Variants in ROBO2 observed in about 807,000 individuals in gnomAD.
ROBO2 encodes roundabout guidance receptor 2.
In ROBO2, 53 loss-of-function variants were observed where a neutral mutation model predicts 160.8. The ratio of observed to expected loss-of-function variants is 0.33; its 90% CI spans 0.26 to 0.41. The LOEUF (loss-of-function observed/expected upper bound fraction) is 0.41. Among genes scored for constraint, ROBO2 ranks in the 10% least tolerant of loss-of-function variants. ROBO2 has a pLI of 1.00. For missense variants in ROBO2, 1,577 were observed against 1,722.4 expected (o/e 0.92, Z 1.49); for synonymous variants, 664 against 611.7 (o/e 1.09, Z -1.26).
intron 2 of ROBO2, among the ~76,000 whole-genome samples, chr3:77,008,249 G>T (rs915013686): frequency 6.6e-6 from 1 of 152,098 alleles, no homozygotes; most frequent in African/African-American, 2.4e-5. Flanking sequence ...TGTGGTCTGT[G>T]TAATTGGTGT....
chr3:76,501,873 C>T (rs1193547793), intron 2 of ROBO2, among the ~76,000 whole-genome samples: 3 of 152,084 alleles, frequency 2.0e-5, no homozygotes, highest in Admixed American at 6.6e-5. Flanking sequence ...TTTACATGTA[C>T]GCTGTTTGAC....
At chr3:77,246,687 A>G (rs1205663021) in intron 2 of ROBO2, among the ~76,000 whole-genome samples, 1 of 152,176 alleles carries the variant, frequency 6.6e-6, no homozygotes, top group East Asian at 1.9e-4. Flanking sequence ...TTCCTTTGTT[A>G]TGGAATTCCA....
chr3:76,971,851 C>A (rs2059587782), intron 2 of ROBO2, among the ~76,000 whole-genome samples: 1 of 152,156 alleles, frequency 6.6e-6, no homozygotes, highest in Non-Finnish European at 1.5e-5. Context: ...ATTGCTAAGT[C>A]AGGAAGTGTG....
intron 2 of ROBO2, among the ~76,000 whole-genome samples, chr3:77,312,332 G>T (rs1353761344): frequency 6.6e-6 from 1 of 151,994 alleles, no homozygotes; most frequent in South Asian, 2.1e-4. Flanking sequence ...TCTCCATCTT[G>T]TATCATATCA....
At chr3:75,992,035 G>A (rs916115954) in intron 2 of ROBO2, among the ~76,000 whole-genome samples, 70 of 152,168 alleles carry the variant, frequency 4.6e-4, no homozygotes, top group African/African-American at 1.6e-3. Flanking sequence ...GTAAAAGGAA[G>A]TCAGTTTTAA....
At chr3:75,921,369 C>T (rs1947042988) in intron 1 of ROBO2, among the ~76,000 whole-genome samples, 1 of 151,880 alleles carries the variant, frequency 6.6e-6, no homozygotes, top group South Asian at 2.1e-4. Context: ...CACACACACA[C>T]ATTGCATACT....
intron 2 of ROBO2, among the ~76,000 whole-genome samples, chr3:76,382,416 G>C (rs1220785036): frequency 2.6e-5 from 4 of 152,116 alleles, no homozygotes; most frequent in African/African-American, 9.7e-5. Context: ...GTGGAACCCC[G>C]TCTCTACTAA....
chr3:77,356,495 G>C (rs202006599), intron 2 of ROBO2, among the ~76,000 whole-genome samples: 1 of 152,130 alleles, frequency 6.6e-6, no homozygotes, highest in Non-Finnish European at 1.5e-5. Flanking sequence ...GAATTGGGTT[G>C]GGTATGTAGA....
At chr3:76,859,416 T>C (rs1376165206) in intron 2 of ROBO2, among the ~76,000 whole-genome samples, 2 of 152,160 alleles carry the variant, frequency 1.3e-5, no homozygotes, top group Non-Finnish European at 1.5e-5. Context: ...TGCTAAAGGT[T>C]TTCTGTGGTT....
chr3:76,412,690 G>T (rs1381603819), intron 2 of ROBO2, among the ~76,000 whole-genome samples: 1 of 152,232 alleles, frequency 6.6e-6, no homozygotes, highest in Non-Finnish European at 1.5e-5. Flanking sequence ...GGAAGCGGTG[G>T]ATTCCCATGG....
At chr3:76,978,001 T>G (rs1008042057) in intron 2 of ROBO2, among the ~76,000 whole-genome samples, 6 of 152,348 alleles carry the variant, frequency 3.9e-5, no homozygotes, top group African/African-American at 1.4e-4. Flanking sequence ...TTTCTGTGCA[T>G]TCATGCAAAG....
intron 2 of ROBO2, among the ~76,000 whole-genome samples, chr3:76,884,515 C>G (rs55787127): frequency 0.051 from 7,778 of 152,118 alleles, 279 homozygotes; most frequent in South Asian, 0.14. Context: ...CAGAGGCCAG[C>G]TGGTATGTCA....
intron 2 of ROBO2, among the ~76,000 whole-genome samples, chr3:76,305,187 A>C (rs553760562): frequency 6.6e-6 from 1 of 151,880 alleles, no homozygotes; most frequent in East Asian, 1.9e-4. Context: ...CCAGGAGTTT[A>C]ATATCAGCTT....
intron 2 of ROBO2, among the ~76,000 whole-genome samples, chr3:76,869,358 T>TG (rs1210273428): frequency 7.1e-6 from 1 of 140,384 alleles, no homozygotes; most frequent in Admixed American, 7.1e-5. Flanking sequence ...TTTTTTTTTT[T>TG]TTTTTTTTTG....
chr3:77,260,758 A>G lies in ROBO2; in HGVS notation c.388+162418A>G, dbSNP rs147863269. The stretch of plus-strand genomic sequence containing the variant: ...ACAGTAGGACTTGTCAGGAGAGTCA[A>G]TCCTGATCATCGAGCCCCCGAAATG... On this transcript the variant is annotated intron_variant, in intron 2 of 25. Transcript: ENST00000461745. 1.4e-4 allele frequency among the ~76,000 whole-genome samples: 21 copies of G among 152,258 alleles called. No individual in the cohort carries two copies. The East Asian group carries it at 2.9e-3, about 21-fold the overall frequency.
chr3:77,501,359 C>T (rs1389321603), intron 5 of ROBO2, among the ~76,000 whole-genome samples: 2 of 152,088 alleles, frequency 1.3e-5, no homozygotes, highest in East Asian at 3.9e-4. Flanking sequence ...CTTGTGTGCA[C>T]AAGACAATTT....
intron 3 of ROBO2, among the ~76,000 whole-genome samples, chr3:77,479,186 GA>G (rs1400765814): frequency 2.6e-5 from 4 of 152,190 alleles, no homozygotes; most frequent in African/African-American, 9.6e-5. Context: ...CTGGGAAGGT[GA>G]GGGGCAGAAC....
intron 2 of ROBO2, among the ~76,000 whole-genome samples, chr3:76,369,485 G>T (rs2075994927): frequency 6.6e-6 from 1 of 151,934 alleles, no homozygotes. Context: ...GACTTGCATA[G>T]TTAGATCTCT....
At chr3:76,164,852 G>T (rs1030418852) in intron 2 of ROBO2, among the ~76,000 whole-genome samples, 6 of 57,352 alleles carry the variant, frequency 1.0e-4, no homozygotes, top group African/African-American at 2.7e-4. Flanking sequence ...AATGCCTGGG[G>T]CCTGGCTGGG....
Sources: allele counts gnomAD v4.1 joint callset (sites outside exome capture counted in the v4.1 genomes callset), GRCh38; gene constraint gnomAD v4.1.1; transcripts MANE v1.5; gene names NCBI Gene and HGNC (gene_info 2026-07-23, HGNC 2026-07-21).